BACH2: variants seen among roughly 807,000 people sequenced by gnomAD.
The protein encoded by BACH2 is BACH transcriptional regulator 2.
A neutral mutation model predicts 61.8 loss-of-function variants in BACH2; 5 were observed. That is an observed-to-expected ratio of 0.08 (90% CI 0.04 to 0.17). The LOEUF is 0.17. BACH2 is among the 10% of genes least tolerant of loss of function. BACH2 has a pLI of 1.00. For synonymous variants in BACH2, 446 were observed against 440.1 expected (o/e 1.01, Z -0.17); for missense variants, 824 against 1,091.1 (o/e 0.76, Z 3.45).
chr6:90,099,800 T>C (rs1381099644), intron 4 of BACH2, among the ~76,000 whole-genome samples: 1 of 152,084 alleles, frequency 6.6e-6, no homozygotes, highest in Non-Finnish European at 1.5e-5. Context: ...ATCATACAAT[T>C]CACACCTTTA....
chr6:90,277,921 C>T (rs1406827918), intron 1 of BACH2, among the ~76,000 whole-genome samples: 5 of 152,094 alleles, frequency 3.3e-5, no homozygotes, highest in Non-Finnish European at 7.4e-5. Context: ...TGTACTTATC[C>T]GAGAAGCCTT....
intron 5 of BACH2, among the ~76,000 whole-genome samples, chr6:90,073,119 G>A (rs1781315052): frequency 6.6e-6 from 1 of 152,224 alleles, no homozygotes; most frequent in Non-Finnish European, 1.5e-5. Context: ...CCGCTTGGGC[G>A]AGGTTTCAAA....
chr6:90,222,776 C>A (rs1311783099), intron 3 of BACH2, among the ~76,000 whole-genome samples: 1 of 152,170 alleles, frequency 6.6e-6, no homozygotes, highest in Non-Finnish European at 1.5e-5. Context: ...ACAACCCCCT[C>A]TTAGCCTCTA....
intron 6 of BACH2, among the ~76,000 whole-genome samples, chr6:90,005,219 C>T (rs1777345495): frequency 6.6e-6 from 1 of 151,898 alleles, no homozygotes; most frequent in African/African-American, 2.4e-5. Flanking sequence ...GGAGGAGTGG[C>T]AGTTTGTGTT....
chr6:90,116,914 C>A, intron 4 of BACH2: 1 of 508,504 alleles, frequency 2.0e-6, no homozygotes, highest in South Asian at 3.7e-5. Flanking sequence ...TTTTCTCTGA[C>A]CATTCCCTAT....
chr6:89,974,776 T>C (rs915754798), intron 6 of BACH2, among the ~76,000 whole-genome samples: 1 of 152,228 alleles, frequency 6.6e-6, no homozygotes, highest in Admixed American at 6.5e-5. Context: ...AACCGTCCCT[T>C]AAAAGAGCTC....
chr6:90,016,437 T>A (rs1249938411), intron 5 of BACH2, among the ~76,000 whole-genome samples: 1 of 152,202 alleles, frequency 6.6e-6, no homozygotes. Context: ...TGTTTTAGGA[T>A]TTATAATATG....
chr6:90,092,813 AG>A (rs1782228362), intron 4 of BACH2, among the ~76,000 whole-genome samples: 1 of 152,154 alleles, frequency 6.6e-6, no homozygotes, highest in South Asian at 2.1e-4. Flanking sequence ...CAGTAAAACA[AG>A]GGGGTTGGAT....
At chr6:90,034,476 C>T (rs1477245518) in intron 5 of BACH2, among the ~76,000 whole-genome samples, 1 of 151,996 alleles carries the variant, frequency 6.6e-6, no homozygotes. Flanking sequence ...AGTTTTTGGC[C>T]AATTAATTAT....
intron 6 of BACH2, among the ~76,000 whole-genome samples, chr6:89,964,282 G>A (rs1774927048): frequency 6.6e-6 from 1 of 151,586 alleles, no homozygotes; most frequent in Non-Finnish European, 1.5e-5. Flanking sequence ...AGGGGCTGGG[G>A]GAAGAAAAAG....
chr6:90,183,051 C>G (rs1768222894), intron 4 of BACH2, among the ~76,000 whole-genome samples: 1 of 152,184 alleles, frequency 6.6e-6, no homozygotes, highest in Non-Finnish European at 1.5e-5. Context: ...GGAAAATCCT[C>G]TCACTCCCTC....
intron 3 of BACH2, among the ~76,000 whole-genome samples, chr6:90,250,615 T>G (rs1484885598): frequency 6.6e-6 from 1 of 152,188 alleles, no homozygotes; most frequent in African/African-American, 2.4e-5. Context: ...GCCCCAATGG[T>G]GCTTGCATTC....
chr6:89,941,095 G>C (rs966044412), intron 7 of BACH2, among the ~76,000 whole-genome samples: 14 of 152,132 alleles, frequency 9.2e-5, no homozygotes, highest in Admixed American at 2.6e-4. Flanking sequence ...CCAACCCCTC[G>C]ATAGTGTTCA....
chr6:90,129,085 G>A (rs1265593098), intron 4 of BACH2, among the ~76,000 whole-genome samples: 1 of 152,090 alleles, frequency 6.6e-6, no homozygotes, highest in African/African-American at 2.4e-5. Flanking sequence ...GGGGAAGGGT[G>A]AAGGGATAGC....
intron 6 of BACH2, among the ~76,000 whole-genome samples, chr6:89,968,435 T>G (rs1278535833): frequency 6.6e-6 from 1 of 152,256 alleles, no homozygotes; most frequent in African/African-American, 2.4e-5. Flanking sequence ...AAAATCTGCA[T>G]TGTGATGAAA....
At chr6:89,967,851 A>G (rs1321379609) in intron 6 of BACH2, among the ~76,000 whole-genome samples, 1 of 152,140 alleles carries the variant, frequency 6.6e-6, no homozygotes, top group Non-Finnish European at 1.5e-5. Context: ...ATCTCTCTGG[A>G]TAGTCAATCA....
chr6:90,249,555 G>A (rs979526953), intron 3 of BACH2, among the ~76,000 whole-genome samples: 2 of 152,142 alleles, frequency 1.3e-5, no homozygotes, highest in Non-Finnish European at 2.9e-5. Context: ...CAAATCACTC[G>A]AGTCCAGGAG....
At position 89,951,491 on chromosome 6, in the gene BACH2, G is replaced by A; in HGVS notation, c.615C>T (p.Ala205=). The A allele has an allele frequency of 6.2e-7, 1 of 1,614,216 alleles. No homozygotes were observed. Among genetic ancestry groups the A allele is most frequent in the East Asian group, 2.2e-5 (1 of 44,882 alleles). ...TGGGCACGTCAGGCTCGGGCAGCAG[G>A]GCTTCTTCCTTCTCTGCTACGGGGA... ...AAIPVAEKEE[A]LLPEPDVPTD... Residue 205 remains alanine (A), a synonymous_variant, in exon 7 of 9, where the codon GCC becomes GCT. Coordinates refer to ENST00000257749, the MANE Select transcript of BACH2 (RefSeq NM_021813.4). This position sits in a 1 kb window ranked among gnomAD's most constrained non-coding sequence, Gnocchi z 6.4.
At chr6:90,063,532 A>G in intron 5 of BACH2, among the ~76,000 whole-genome samples, 1 of 152,210 alleles carries the variant, frequency 6.6e-6, no homozygotes, top group East Asian at 1.9e-4. Context: ...CACTGATAAT[A>G]AGACTTAGAG....
Sources: allele counts gnomAD v4.1 joint callset (sites outside exome capture counted in the v4.1 genomes callset), GRCh38; gene constraint gnomAD v4.1.1; non-coding constraint Gnocchi (gnomAD v3.1); transcripts MANE v1.5; gene names NCBI Gene and HGNC (gene_info 2026-07-23, HGNC 2026-07-21).